The following SHANK1 variants were observed in gnomAD, a reference collection of about 807,000 sequenced individuals.
The protein encoded by SHANK1 is SH3 and multiple ankyrin repeat domains 1, also known as SH3 and multiple ankyrin repeat domains protein 1.
In SHANK1, 35 loss-of-function variants were observed where a neutral mutation model predicts 165.6. The ratio of observed to expected loss-of-function variants is 0.21; its 90% CI spans 0.16 to 0.28. The LOEUF (loss-of-function observed/expected upper bound fraction) is 0.28, where lower values mean the gene tolerates loss of function less well. SHANK1 is among the 10% of genes least tolerant of loss of function. The pLI is 1.00. For missense variants in SHANK1, 2,681 were observed against 3,036.4 expected, an observed-to-expected ratio of 0.88 and a Z score of 2.75; for synonymous variants, 1,428 against 1,384.8, an observed-to-expected ratio of 1.03 and a Z score of -0.69.
Position 50,668,402 on chromosome 19 carries a change from C to A in SHANK1, c.3558G>T (p.Glu1186Asp). The change falls in exon 23 of 24, where the codon GAG becomes GAT. Residue 1186 changes from glutamate to aspartate, a missense_variant. Transcript: ENST00000293441. ...CGCCGCCGCCGCCGCCTCCCGTGGG[C>A]TCCGGCTGGGTGGGGGGCTCCGCCT... is the stretch of plus-strand genomic sequence containing the variant. ...STEAEPPTQP[E>D]PTGGGGGGGS... is the part of the protein sequence containing the mutation. 2 of 1,318,288 alleles carry A rather than the reference C, an allele frequency of 1.5e-6. No homozygotes were observed. Among genetic ancestry groups the A allele is most frequent in the South Asian group, 5.7e-5 (2 of 34,880 alleles). 81.7% of individuals were successfully genotyped at this position (1,318,288 alleles called of 1,614,324 possible).
intron 21 of SHANK1, among the ~76,000 whole-genome samples, chr19:50,685,432 A>G (rs1275838140): frequency 6.6e-6 from 1 of 152,186 alleles, no homozygotes; most frequent in Non-Finnish European, 1.5e-5. Context: ...GATAATCCAT[A>G]TAAAATTTGA....
Position 50,662,451 on chromosome 19 carries a change from G to T in SHANK1, c.6000C>A (p.Ser2000Arg). ...MRPPLLRRAP[S>R]PSLLPASEHK... Reference sequence around the variant, plus strand: ...GCTCCGAGGCGGGCAGCAGCGAGGGGCTGGGGGCCCGGCGGAGCAGAGGGG... The same window carrying T: ...GCTCCGAGGCGGGCAGCAGCGAGGGTCTGGGGGCCCGGCGGAGCAGAGGGG... The change falls in exon 24 of 24, where the codon AGC (serine) becomes AGA (arginine). Residue 2000 changes from serine (S) to arginine (R), a missense_variant. By Grantham distance (110) the Ser-to-Arg change is moderately radical (BLOSUM62 -1). Transcript: ENST00000293441. This position sits in a 1 kb window ranked among gnomAD's most constrained non-coding sequence, Gnocchi z 7.7. 1 of 1,553,474 alleles carries T rather than the reference G, an allele frequency of 6.4e-7. No homozygotes were observed. Among genetic ancestry groups the T allele is most frequent in the Admixed American group, 1.9e-5 (1 of 51,940 alleles).
Position 50,718,098 on chromosome 19 carries a change from A to C in SHANK1, c.-43-1136T>G, listed in dbSNP as rs1356988535. Reference sequence around the variant, plus strand: ...ATGGAGATGGGAAGCAGTGGAGGGTACTGCTGACTTTGGGGGAGTGGGGAT... The same window carrying C: ...ATGGAGATGGGAAGCAGTGGAGGGTCCTGCTGACTTTGGGGGAGTGGGGAT... On this transcript the variant is annotated intron_variant, in intron 1 of 23. Coordinates refer to ENST00000293441, the MANE Select transcript of SHANK1 (RefSeq NM_016148.5). The surrounding 1 kb of genome is among the most constrained non-coding windows in gnomAD (Gnocchi z 5.1). Among the ~76,000 whole-genome samples the C allele has an allele frequency of 1.3e-5, 2 of 152,034 alleles. No individual in the cohort carries two copies. Among genetic ancestry groups the C allele is most frequent in the African/African-American group, 2.4e-5 (1 of 41,400 alleles).
Position 50,715,722 on chromosome 19 carries a change from G to A in SHANK1, c.468C>T (p.Tyr156=), listed in dbSNP as rs760856118. 1 of 1,613,998 alleles carries A rather than the reference G, an allele frequency of 6.2e-7. No individual in the cohort carries two copies. Among genetic ancestry groups the A allele is most frequent in the South Asian group, 1.1e-5 (1 of 91,080 alleles). ...TGGTCTGTTTGTAAACTCGGGTCTT[G>A]TATCGGAACTGAGGTCAAGGGTAGG... ...EKGVPYLEFR[Y]KTRVYKQTNL... is the part of the protein sequence containing the mutation. The change falls in exon 4 of 24, where the codon TAC becomes TAT. Residue 156 remains tyrosine (Y), a synonymous_variant. Transcript: ENST00000293441.
At chr19:50,711,860 TG>T in intron 7 of SHANK1, 86 bp downstream of exon 7, 1 of 1,453,232 alleles carries the variant, frequency 6.9e-7, no homozygotes, top group Non-Finnish European at 9.6e-7. Context: ...GTGAGGACCC[TG>T]GCATCTGGTT....
intron 7 of SHANK1, 77 bp from the exon 8 acceptor site, chr19:50,711,564 C>G: frequency 9.7e-7 from 1 of 1,035,748 alleles, no homozygotes; most frequent in Admixed American, 2.1e-5. Context: ...TGTCTATGAC[C>G]TGTGCACTGG....
At chr19:50,679,839 G>C (rs1339013094) in intron 21 of SHANK1, among the ~76,000 whole-genome samples, 3 of 152,128 alleles carry the variant, frequency 2.0e-5, no homozygotes, top group Non-Finnish European at 4.4e-5. Context: ...CAGAAAAAGA[G>C]AGACAGAGAT....
Position 50,703,682 on chromosome 19 carries a change from C to A in SHANK1, c.1371G>T (p.Ala457=), listed in dbSNP as rs1007850886. 6.1e-6 allele frequency: 9 copies of A among 1,469,702 alleles called. No individual in the cohort carries two copies. In the Admixed American group the frequency reaches 2.0e-4, roughly 32 times the overall value. The allele number at this position is 1,469,702 out of a possible 1,614,324, so 91.0% of individuals were successfully genotyped here. Residue 457 remains alanine (A), a synonymous_variant, in exon 11 of 24, where the codon GCG becomes GCT. Transcript: ENST00000293441. ...AGGTAGGGCCAGGGGCCCCAGAGGACGCGGCCCCCGGGGCGGAGAACACCA... is the reference window on the plus strand; with the variant it reads ...AGGTAGGGCCAGGGGCCCCAGAGGAAGCGGCCCCCGGGGCGGAGAACACCA... The part of the protein sequence containing the change: ...DWMVFSAPGA[A]SSGAPGPTSG...
intron 12 of SHANK1, among the ~76,000 whole-genome samples, chr19:50,701,348 A>ATT (rs35759880): frequency 9.4e-4 from 132 of 140,628 alleles, no homozygotes; most frequent in East Asian, 7.2e-3. Context: ...CACCTGGCTA[A>ATT]TTTTTTTTTT....
In SHANK1 at chr19:50,668,254, G is replaced by C. The variant is rs750396227; in HGVS notation, c.3706C>G (p.Leu1236Val). 7.0e-7 allele frequency: 1 copy of C among 1,430,982 alleles called. No individual in the cohort carries two copies. Among genetic ancestry groups the C allele is most frequent in the South Asian group, 1.5e-5 (1 of 65,064 alleles). The allele number at this position is 1,430,982 out of a possible 1,614,324, so 88.6% of individuals were successfully genotyped here. Residue 1236 changes from leucine (L) to valine (V), a missense_variant, in exon 23 of 24, where the codon CTG (leucine) becomes GTG (valine). Coordinates refer to ENST00000293441, the MANE Select transcript of SHANK1 (RefSeq NM_016148.5). Reference protein sequence around the residue: ...LDFTSQFGAALVGAARREGGW... With the variant: ...LDFTSQFGAAVVGAARREGGW... ...CCCTCCCTCCGGGCCGCCCCCACCA[G>C]GGCGGCCCCGAACTGGCTCGTGAAG... is the stretch of plus-strand genomic sequence containing the variant.
rs1240456475 is a variant in SHANK1 at position 50,659,776 on chromosome 19, C to A, written c.*2189G>T. Among the ~76,000 whole-genome samples, 1 of 143,408 alleles carries A rather than the reference C, an allele frequency of 7.0e-6. No individual in the cohort carries two copies. Among genetic ancestry groups the A allele is most frequent in the Non-Finnish European group, 1.5e-5 (1 of 64,932 alleles). 94.1% of individuals were successfully genotyped at this position (143,408 alleles called of 152,430 possible). ...CTCCCCACCCCGACCTCTCCTCCCC[C>A]CCCCACCCCCTACACCCTCCCCAAC... is the stretch of plus-strand genomic sequence containing the variant. On this transcript the variant is annotated 3_prime_UTR_variant, in exon 24 of 24. Transcript: ENST00000293441.
chr19:50,697,215 T>C lies in SHANK1; in HGVS notation c.1938-93A>G. ...ATCCCACCCAGCCCTGACTGCACCC[T>C]CCCCACACCGGTGCATGGGACACAC... On this transcript the variant is annotated intron_variant, in intron 14 of 23. Transcript: ENST00000293441. The surrounding 1 kb of genome is among the most constrained non-coding windows in gnomAD (Gnocchi z 4.7). 1.4e-6 allele frequency: 2 copies of C among 1,459,130 alleles called. No homozygotes were observed. The highest frequency in any genetic ancestry group is 9.4e-7 in the Non-Finnish European group (1 of 1,060,290). 90.4% of individuals were successfully genotyped at this position (1,459,130 alleles called of 1,614,324 possible).
chr19:50,711,320 A>C (rs369583986), intron 8 of SHANK1, 51 bp downstream of exon 8: 1 of 1,247,260 alleles, frequency 8.0e-7, no homozygotes, highest in African/African-American at 1.5e-5. Context: ...GCCCTGGGGG[A>C]GGCGGCTATC....
chr19:50,715,602 T>C, intron 4 of SHANK1, 57 bp downstream of exon 4: 2 of 1,382,932 alleles, frequency 1.4e-6, no homozygotes, highest in Non-Finnish European at 2.0e-6. Context: ...AGTGGTTGGG[T>C]AGGGGGCTCC....
Position 50,672,115 on chromosome 19 carries a change from C to A in SHANK1, c.2578-1G>T. The stretch of plus-strand genomic sequence containing the variant: ...CACGGTGGTGGGGATCGAAGCTCGA[C>A]TTTGGAGCGGCAGTCAGAGGGGGAG... On this transcript the variant is annotated splice_acceptor_variant, in intron 21 of 23. Coordinates refer to ENST00000293441, the MANE Select transcript of SHANK1 (RefSeq NM_016148.5). LOFTEE classifies it high-confidence loss of function. 6.2e-7 allele frequency: 1 copy of A among 1,612,448 alleles called. No homozygotes were observed. Among genetic ancestry groups the A allele is most frequent in the Non-Finnish European group, 8.5e-7 (1 of 1,179,092 alleles).
In SHANK1 at chr19:50,670,028, C is replaced by T. The variant is rs961828043; in HGVS notation, c.2675-743G>A. ...GCTTCATTCACTGCCTTTCTGCTGT[C>T]GACGCCCACGTTTATGCCTGGGGCC... is the stretch of plus-strand genomic sequence containing the variant. On this transcript the variant is annotated intron_variant, in intron 22 of 23. Coordinates refer to ENST00000293441, the MANE Select transcript of SHANK1 (RefSeq NM_016148.5). The surrounding 1 kb of genome is among the most constrained non-coding windows in gnomAD (Gnocchi z 4.1). 6.6e-6 allele frequency among the ~76,000 whole-genome samples: 1 copy of T among 152,168 alleles called. No homozygotes were observed. The highest frequency in any genetic ancestry group is 1.5e-5 in the Non-Finnish European group (1 of 68,024).
intron 21 of SHANK1, among the ~76,000 whole-genome samples, chr19:50,685,245 C>T (rs1986295890): frequency 6.6e-6 from 1 of 152,168 alleles, no homozygotes. Flanking sequence ...GGGGCAACAT[C>T]CAGGAAGGGA....
chr19:50,682,322 G>A (rs923008548), intron 21 of SHANK1, among the ~76,000 whole-genome samples: 1 of 152,178 alleles, frequency 6.6e-6, no homozygotes, highest in African/African-American at 2.4e-5. Flanking sequence ...CCAAAGTGCT[G>A]GGATTATAGG....
chr19:50,664,837 C>G lies in SHANK1; in HGVS notation c.5768+1355G>C, dbSNP rs1985412197. Among the ~76,000 whole-genome samples the G allele has an allele frequency of 2.0e-5, 3 of 152,214 alleles. No homozygotes were observed. The South Asian group carries it at 6.2e-4, about 32-fold the overall frequency. ...TGGTGCAATCTTGGCTCACTGCAAC[C>G]TCGGCCTCCCGGGTTCAAGTTATTC... On this transcript the variant is annotated intron_variant, in intron 23 of 23. Coordinates refer to ENST00000293441, the MANE Select transcript of SHANK1 (RefSeq NM_016148.5).
Sources: gnomAD v4.1 joint callset for allele counts (sites outside exome capture counted in the v4.1 genomes callset) on GRCh38, gnomAD v4.1.1 for gene constraint, Gnocchi (gnomAD v3.1) non-coding constraint, MANE v1.5 for transcripts, NCBI Gene and HGNC (gene_info 2026-07-23, HGNC 2026-07-21) for gene names.